GEMIN5: variants seen among roughly 807,000 people sequenced by gnomAD.
GEMIN5 encodes the protein gem nuclear organelle associated protein 5.
Under a neutral mutation model 176.9 loss-of-function variants are expected in GEMIN5, and 124 were observed. The ratio of observed to expected loss-of-function variants is 0.70; its 90% CI spans 0.61 to 0.81. The LOEUF (loss-of-function observed/expected upper bound fraction) is 0.81. GEMIN5 is among the 40% of genes least tolerant of loss of function. The pLI is 0.00. For synonymous variants in GEMIN5, 673 were observed against 665.2 expected (o/e 1.01, Z -0.18); for missense variants, 1,843 against 1,814.6 (o/e 1.02, Z -0.28).
chr5:154,932,026 A>T, intron 4 of GEMIN5, 73 bp downstream of exon 4: 1 of 1,120,550 alleles, frequency 8.9e-7, no homozygotes. Context: ...TAATAAATAA[A>T]AAATGATATA....
chr5:154,903,485 CA>C (rs1186980132), intron 18 of GEMIN5, among the ~76,000 whole-genome samples: 1 of 150,090 alleles, frequency 6.7e-6, no homozygotes. Context: ...TCCTTTGCTT[CA>C]AAAAAAAAGT....
intron 21 of GEMIN5, 58 bp downstream of exon 21, chr5:154,901,281 G>T: frequency 1.3e-6 from 2 of 1,486,068 alleles, no homozygotes; most frequent in Non-Finnish European, 1.9e-6. Flanking sequence ...CAATAGAGAA[G>T]TTTAGGTTAT....
chr5:154,898,890 T>C (rs1217424449), intron 22 of GEMIN5, among the ~76,000 whole-genome samples: 1 of 152,144 alleles, frequency 6.6e-6, no homozygotes, highest in Non-Finnish European at 1.5e-5. Flanking sequence ...GACTCCTCTG[T>C]TGGGTTCAAT....
At chr5:154,900,342 G>C (rs1273969976) in intron 21 of GEMIN5, among the ~76,000 whole-genome samples, 2 of 152,212 alleles carry the variant, frequency 1.3e-5, no homozygotes, top group Non-Finnish European at 2.9e-5. Context: ...AAGTGATCTA[G>C]AGAGAGCAAT....
At chr5:154,909,829 A>C (rs1368550155) in intron 15 of GEMIN5, among the ~76,000 whole-genome samples, 1 of 152,068 alleles carries the variant, frequency 6.6e-6, no homozygotes, top group African/African-American at 2.4e-5. Context: ...AAACACAAAC[A>C]ATTAGCTGGG....
chr5:154,895,749 C>T (rs934971149), intron 24 of GEMIN5, among the ~76,000 whole-genome samples: 2 of 151,994 alleles, frequency 1.3e-5, no homozygotes, highest in African/African-American at 4.8e-5. Context: ...AGTGGCTGGG[C>T]GTGGTGGCGC....
rs554012560 is a variant in GEMIN5 at position 154,917,280 on chromosome 5, G to A, written c.1674-101C>T. 2.9e-4 allele frequency: 161 copies of A among 559,802 alleles called. 1 individual carries two copies. Among genetic ancestry groups the A allele is most frequent in the South Asian group, 2.2e-3 (46 of 20,944 alleles). The allele number at this position is 559,802 out of a possible 1,614,324, so 34.7% of individuals were successfully genotyped here. A position where few individuals can be genotyped will look rare whatever the true frequency, so the allele number is the denominator to read the frequency against. On this transcript the variant is annotated intron_variant, in intron 12 of 27. Transcript: ENST00000285873. Reference sequence around the variant, plus strand: ...CATTCCGTCAGTCAAGGAAAGATGAGGTGGAAAAGGATAACCCTTTCTATC... The same window carrying A: ...CATTCCGTCAGTCAAGGAAAGATGAAGTGGAAAAGGATAACCCTTTCTATC...
rs868091715 is a variant in GEMIN5, at chr5:154,895,308, G to C, written c.3597+784C>G. On this transcript the variant is annotated intron_variant, in intron 24 of 27. Transcript: ENST00000285873. ...CTTGAGGAATTCGAGACCAGCCTGG[G>C]TAACAGTGAGACCCAGTCTCCAGAA... Among the ~76,000 whole-genome samples, 3 of 146,490 alleles carry C rather than the reference G, an allele frequency of 2.0e-5. No individual in the cohort carries two copies. In the South Asian group the frequency reaches 6.5e-4, roughly 32 times the overall value.
intron 16 of GEMIN5, 103 bp downstream of exon 16, chr5:154,907,488 T>G: frequency 1.3e-6 from 1 of 741,474 alleles, no homozygotes; most frequent in Non-Finnish European, 2.2e-6. Flanking sequence ...TTCCAAGAGT[T>G]GGAAAAATGG....
chr5:154,908,370 G>A (rs369689700), intron 15 of GEMIN5, among the ~76,000 whole-genome samples: 3 of 151,688 alleles, frequency 2.0e-5, no homozygotes, highest in African/African-American at 4.8e-5. Context: ...CAGTAGAGAC[G>A]GGGTTTCACC....
intron 20 of GEMIN5, 71 bp downstream of exon 20, chr5:154,902,468 C>A: frequency 7.2e-7 from 1 of 1,383,048 alleles, no homozygotes; most frequent in South Asian, 1.2e-5. Context: ...GTGCTAAGAG[C>A]CATCTTTAGT....
chr5:154,896,063 A>G, intron 24 of GEMIN5, 29 bp downstream of exon 24: 1 of 1,607,778 alleles, frequency 6.2e-7, no homozygotes, highest in African/African-American at 1.3e-5. Flanking sequence ...CTGAGTGATT[A>G]ATGTCAAATG....
At chr5:154,935,082 C>G (rs573715939) in intron 3 of GEMIN5, among the ~76,000 whole-genome samples, 1 of 152,332 alleles carries the variant, frequency 6.6e-6, no homozygotes, top group East Asian at 1.9e-4. Flanking sequence ...TTTACTCCTG[C>G]AACAAGCTCT....
Position 154,887,563 on chromosome 5 carries a change from T to A in GEMIN5, c.*647A>T, listed in dbSNP as rs888858722. The A allele has an allele frequency of 2.0e-5, 3 of 152,180 alleles. No individual in the cohort carries two copies. Among genetic ancestry groups the A allele is most frequent in the African/African-American group, 7.2e-5 (3 of 41,450 alleles). The allele number at this position is 152,180 out of a possible 1,614,324, so 9.4% of individuals were successfully genotyped here. A position where few individuals can be genotyped will look rare whatever the true frequency, so the allele number is the denominator to read the frequency against. On this transcript the variant is annotated 3_prime_UTR_variant, in exon 28 of 28. Transcript: ENST00000285873. Reference sequence around the variant, plus strand: ...TATAAAACTGAAGGGAAAACACACATTTGAATCACTTCTTCTAAAGCTTTA... The same window carrying A: ...TATAAAACTGAAGGGAAAACACACAATTGAATCACTTCTTCTAAAGCTTTA...
intron 23 of GEMIN5, among the ~76,000 whole-genome samples, chr5:154,898,000 A>G (rs1427499834): frequency 6.7e-6 from 1 of 149,614 alleles, no homozygotes; most frequent in Non-Finnish European, 1.5e-5. Flanking sequence ...TCCGGGTTCA[A>G]GTGATTCTCC....
Position 154,903,067 on chromosome 5 carries a change from G to A in GEMIN5, c.2728+13C>T, listed in dbSNP as rs779457642. On this transcript the variant is annotated intron_variant, in intron 19 of 27. Transcript: ENST00000285873. ...AAAGATGGATGAGATTATGTTGACTGGATTTGTCTCACCTTCAATATCAAT... is the reference window on the plus strand; with the variant it reads ...AAAGATGGATGAGATTATGTTGACTAGATTTGTCTCACCTTCAATATCAAT... 24 of 1,495,188 alleles carry A rather than the reference G, an allele frequency of 1.6e-5. No individual in the cohort carries two copies. In the Admixed American group the frequency reaches 2.6e-4, roughly 16 times the overall value. The allele number at this position is 1,495,188 out of a possible 1,614,324, so 92.6% of individuals were successfully genotyped here.
chr5:154,912,847 ATT>A, intron 14 of GEMIN5, 50 bp downstream of exon 14: 1 of 1,482,900 alleles, frequency 6.7e-7, no homozygotes. Flanking sequence ...AGAAGAAAGA[ATT>A]TGTTAGAGTA....
intron 5 of GEMIN5, among the ~76,000 whole-genome samples, chr5:154,928,946 G>A (rs976832079): frequency 5.3e-5 from 8 of 150,498 alleles, no homozygotes; most frequent in Non-Finnish European, 7.4e-5. Flanking sequence ...TTTTTTGGCC[G>A]GGCGCGGTGG....
chr5:154,920,013 T>C lies in GEMIN5; in HGVS notation c.1553A>G (p.Glu518Gly). 1 of 1,613,576 alleles carries C rather than the reference T, an allele frequency of 6.2e-7. No individual in the cohort carries two copies. The highest frequency in any genetic ancestry group is 1.7e-4 in the Middle Eastern group (1 of 6,058). ...GATGAGTTTGTTGATGTCAAAGGCT[T>C]CTCCACTAAGCTTCCAGGGATTATG... ...LQHNPWKLSGEAFDINKLIRD... is the reference protein window; with the variant it reads ...LQHNPWKLSGGAFDINKLIRD... Residue 518 changes from glutamate to glycine, a missense_variant, in exon 11 of 28, where the codon GAA becomes GGA. Coordinates refer to ENST00000285873, the MANE Select transcript of GEMIN5 (RefSeq NM_015465.5).
Sources: allele counts gnomAD v4.1 joint callset (sites outside exome capture counted in the v4.1 genomes callset), GRCh38; gene constraint gnomAD v4.1.1; transcripts MANE v1.5; gene names NCBI Gene and HGNC (gene_info 2026-07-23, HGNC 2026-07-21).